Variants in MTMR7 observed in about 807,000 individuals in gnomAD.
MTMR7 encodes the protein phosphatidylinositol-3-phosphate phosphatase MTMR7.
A neutral mutation model predicts 81.2 loss-of-function variants in MTMR7; 76 were observed. That is an observed-to-expected ratio of 0.94 (90% CI 0.78 to 1.13). The LOEUF (loss-of-function observed/expected upper bound fraction) is 1.13, where lower values mean the gene tolerates loss of function less well. MTMR7 is among the 50% of genes most tolerant of loss of function. The pLI, the probability that MTMR7 is intolerant of heterozygous loss-of-function variation, is 0.00. For missense variants in MTMR7, 1,044 were observed against 820.0 expected, an observed-to-expected ratio of 1.27 and a Z score of -3.34; for synonymous variants, 372 against 289.8, an observed-to-expected ratio of 1.28 and a Z score of -2.88.
intron 2 of MTMR7, 175 bp downstream of exon 2, chr8:17,372,943 G>A (rs116939081): frequency 3.0e-5 from 19 of 639,974 alleles, no homozygotes; most frequent in Non-Finnish European, 4.1e-5. Flanking sequence ...ATGAATAGTC[G>A]ATCAAGTAGA....
intron 8 of MTMR7, among the ~76,000 whole-genome samples, chr8:17,312,938 G>A (rs1233481524): frequency 6.6e-6 from 1 of 152,184 alleles, no homozygotes; most frequent in Admixed American, 6.5e-5. Context: ...CTTATGCCAT[G>A]ACTAAAAAGA....
intron 1 of MTMR7, among the ~76,000 whole-genome samples, chr8:17,398,758 C>T (rs1357954369): frequency 6.6e-6 from 1 of 152,102 alleles, no homozygotes; most frequent in African/African-American, 2.4e-5. Flanking sequence ...ATGGTAACTA[C>T]AACTTTTCAA....
chr8:17,374,209 G>A (rs1194850655), intron 1 of MTMR7, among the ~76,000 whole-genome samples: 1 of 152,212 alleles, frequency 6.6e-6, no homozygotes, highest in Non-Finnish European at 1.5e-5. Context: ...GCTGTGGGCC[G>A]GTGCAGTGCC....
At chr8:17,332,447 T>C (rs73552083) in intron 6 of MTMR7, among the ~76,000 whole-genome samples, 3,466 of 152,190 alleles carry the variant, frequency 0.023, 130 homozygotes, top group African/African-American at 0.078. Context: ...TACACAATGG[T>C]TTATCATGCC....
chr8:17,378,897 C>A (rs1026010315), intron 1 of MTMR7, among the ~76,000 whole-genome samples: 3 of 151,698 alleles, frequency 2.0e-5, no homozygotes, highest in African/African-American at 7.3e-5. Context: ...GTCTTTAGCA[C>A]ATAAAAGATA....
intron 1 of MTMR7, among the ~76,000 whole-genome samples, chr8:17,386,582 A>G (rs576676379): frequency 6.6e-6 from 1 of 152,262 alleles, no homozygotes; most frequent in Admixed American, 6.5e-5. Flanking sequence ...GAAAACACTC[A>G]GCTCCTCACC....
intron 12 of MTMR7, among the ~76,000 whole-genome samples, chr8:17,303,529 A>G (rs1243923168): frequency 6.6e-6 from 1 of 152,154 alleles, no homozygotes; most frequent in African/African-American, 2.4e-5. Flanking sequence ...AGCCAAAGGA[A>G]AAAACATACG....
At chr8:17,303,718 TC>T (rs1563314151) in intron 12 of MTMR7, among the ~76,000 whole-genome samples, 1 of 151,976 alleles carries the variant, frequency 6.6e-6, no homozygotes, top group Non-Finnish European at 1.5e-5. Context: ...CAAGTGATTC[TC>T]CTGTCTCAGC....
chr8:17,333,336 T>C (rs1183606656), intron 6 of MTMR7, among the ~76,000 whole-genome samples: 1 of 152,260 alleles, frequency 6.6e-6, no homozygotes, highest in Admixed American at 6.5e-5. Flanking sequence ...AAATTACCTA[T>C]AGACATTGTT....
At chr8:17,323,531 G>A (rs1043276344) in intron 7 of MTMR7, among the ~76,000 whole-genome samples, 2 of 152,092 alleles carry the variant, frequency 1.3e-5, no homozygotes, top group African/African-American at 2.4e-5. Context: ...TGGAAAGTCC[G>A]GCGTGGATGT....
Position 17,397,886 on chromosome 8 carries a change from T to G in MTMR7, c.24+15383A>C, listed in dbSNP as rs560480515. Among the ~76,000 whole-genome samples, 5 of 152,278 alleles carry G rather than the reference T, an allele frequency of 3.3e-5. No individual in the cohort carries two copies. In the South Asian group the frequency reaches 1.0e-3, roughly 32 times the overall value. ...ATAGTTCAGCAAAGAGAGAATACAT[T>G]TGTTTGGGAGAAAATAAAGGAAGAG... On this transcript the variant is annotated intron_variant, in intron 1 of 13. Transcript: ENST00000180173.
chr8:17,359,990 A>G (rs374519640), intron 4 of MTMR7, among the ~76,000 whole-genome samples: 11 of 152,200 alleles, frequency 7.2e-5, no homozygotes, highest in South Asian at 4.1e-4. Context: ...AGGTATAGTT[A>G]CCAGGATGTT....
At chr8:17,322,684 G>C (rs961449784) in intron 7 of MTMR7, among the ~76,000 whole-genome samples, 1 of 152,072 alleles carries the variant, frequency 6.6e-6, no homozygotes, top group African/African-American at 2.4e-5. Context: ...AATTAGCTGG[G>C]TGTGGAGGTG....
At chr8:17,302,054 G>T in intron 13 of MTMR7, 100 bp downstream of exon 13, 1 of 1,500,866 alleles carries the variant, frequency 6.7e-7, no homozygotes, top group South Asian at 1.2e-5. Context: ...CTAAAAATGT[G>T]AAATATTTGT....
At chr8:17,307,514 G>C (rs1817532181) in intron 10 of MTMR7, among the ~76,000 whole-genome samples, 2 of 152,116 alleles carry the variant, frequency 1.3e-5, no homozygotes, top group African/African-American at 4.8e-5. Flanking sequence ...AATACCATTT[G>C]ACCCAGCCAT....
At chr8:17,343,705 C>T (rs1052324091) in intron 5 of MTMR7, among the ~76,000 whole-genome samples, 3 of 152,188 alleles carry the variant, frequency 2.0e-5, no homozygotes, top group African/African-American at 4.8e-5. Flanking sequence ...AATTAAAACA[C>T]GCATATTAAA....
chr8:17,385,433 G>A (rs867266380), intron 1 of MTMR7, among the ~76,000 whole-genome samples: 2 of 152,246 alleles, frequency 1.3e-5, no homozygotes, highest in Middle Eastern at 3.4e-3. Context: ...TAGTGAATAC[G>A]CCTCATGACA....
At chr8:17,388,746 A>G (rs1821018881) in intron 1 of MTMR7, among the ~76,000 whole-genome samples, 1 of 151,960 alleles carries the variant, frequency 6.6e-6, no homozygotes, top group Non-Finnish European at 1.5e-5. Context: ...AGAGAGACCC[A>G]AGTCTCATGC....
At chr8:17,306,403 A>G (rs2150473741) in intron 10 of MTMR7, among the ~76,000 whole-genome samples, 1 of 152,078 alleles carries the variant, frequency 6.6e-6, no homozygotes, top group African/African-American at 2.4e-5. Flanking sequence ...AAAAAAAAAT[A>G]GTGGTTTCCC....
Sources: gnomAD v4.1 joint callset for allele counts (sites outside exome capture counted in the v4.1 genomes callset) on GRCh38, gnomAD v4.1.1 for gene constraint, MANE v1.5 for transcripts, NCBI Gene and HGNC (gene_info 2026-07-23, HGNC 2026-07-21) for gene names.